Variants in RAB6B observed in about 807,000 individuals in gnomAD.
RAB6B encodes RAB6B, member RAS oncogene family.
Under a neutral mutation model 31.2 loss-of-function variants are expected in RAB6B, and 7 were observed. The ratio of observed to expected loss-of-function variants is 0.22; its 90% CI spans 0.13 to 0.42. The LOEUF (loss-of-function observed/expected upper bound fraction) is 0.42, where lower values mean the gene tolerates loss of function less well. Among genes scored for constraint, RAB6B ranks in the 10% least tolerant of loss-of-function variants. The pLI, the probability that RAB6B is intolerant of heterozygous loss-of-function variation, is 1.00. For synonymous variants in RAB6B, 105 were observed against 104.9 expected (o/e 1.00, Z -0.01); for missense variants, 149 against 280.6 (o/e 0.53, Z 3.35).
intron 2 of RAB6B, among the ~76,000 whole-genome samples, chr3:133,852,054 G>A (rs1935992280): frequency 6.6e-6 from 1 of 152,230 alleles, no homozygotes; most frequent in African/African-American, 2.4e-5. Context: ...TCGTCACAGG[G>A]AATGAGCGTG....
chr3:133,861,565 C>T (rs1482113554), intron 2 of RAB6B, among the ~76,000 whole-genome samples: 1 of 152,226 alleles, frequency 6.6e-6, no homozygotes. Flanking sequence ...AAAGAACTCA[C>T]CAGCTGTCAC....
At chr3:133,839,379 G>A (rs1045221186) in intron 5 of RAB6B, 127 bp downstream of exon 5, 30 of 787,432 alleles carry the variant, frequency 3.8e-5, no homozygotes, top group Admixed American at 1.0e-4. Flanking sequence ...AGTGTCTCAA[G>A]GGACCTTTTC....
At chr3:133,864,203 A>G in intron 2 of RAB6B, among the ~76,000 whole-genome samples, 1 of 151,518 alleles carries the variant, frequency 6.6e-6, no homozygotes, top group South Asian at 2.1e-4. Flanking sequence ...GGTCCCAGCA[A>G]ACATAACCAT....
At chr3:133,842,197 G>A (rs1935846446) in intron 2 of RAB6B, among the ~76,000 whole-genome samples, 1 of 152,240 alleles carries the variant, frequency 6.6e-6, no homozygotes, top group African/African-American at 2.4e-5. Context: ...AGACCACCCA[G>A]AGTGGCCTCT....
intron 1 of RAB6B, among the ~76,000 whole-genome samples, chr3:133,887,373 G>T (rs1559914831): frequency 6.6e-6 from 1 of 152,176 alleles, no homozygotes; most frequent in Admixed American, 6.5e-5. Flanking sequence ...AGGTGTAGGG[G>T]GCCAGGAATG....
At chr3:133,877,724 T>C (rs1936415515) in intron 1 of RAB6B, among the ~76,000 whole-genome samples, 1 of 149,468 alleles carries the variant, frequency 6.7e-6, no homozygotes, top group Non-Finnish European at 1.5e-5. Flanking sequence ...ATAAAGATAT[T>C]AAGAAATAGT....
intron 1 of RAB6B, among the ~76,000 whole-genome samples, chr3:133,893,298 G>C (rs1440829335): frequency 1.3e-5 from 2 of 152,204 alleles, no homozygotes; most frequent in Non-Finnish European, 2.9e-5. Flanking sequence ...AATGAGAGGT[G>C]GGGCTCCAGC....
intron 1 of RAB6B, among the ~76,000 whole-genome samples, chr3:133,886,173 G>C (rs1323778795): frequency 6.6e-6 from 1 of 152,200 alleles, no homozygotes; most frequent in Non-Finnish European, 1.5e-5. Context: ...GCCTGGGCAT[G>C]GTCAGGCCCT....
chr3:133,859,475 CG>C (rs969548060), intron 2 of RAB6B, among the ~76,000 whole-genome samples: 1 of 152,072 alleles, frequency 6.6e-6, no homozygotes, highest in African/African-American at 2.4e-5. Context: ...AGTGTGTCCA[CG>C]GGGAACCTTC....
chr3:133,840,097 T>C (rs530824576), intron 4 of RAB6B, among the ~76,000 whole-genome samples: 1 of 151,850 alleles, frequency 6.6e-6, no homozygotes, highest in Non-Finnish European at 1.5e-5. Flanking sequence ...TACTGAGTGG[T>C]GTCCCCACCA....
intron 2 of RAB6B, among the ~76,000 whole-genome samples, chr3:133,848,579 G>A (rs1298528883): frequency 6.6e-6 from 1 of 152,108 alleles, no homozygotes; most frequent in African/African-American, 2.4e-5. Flanking sequence ...CTGGTGTCTG[G>A]GGAGGGCCTT....
At chr3:133,833,087 G>A (rs566391623) in intron 7 of RAB6B, among the ~76,000 whole-genome samples, 3 of 152,264 alleles carry the variant, frequency 2.0e-5, no homozygotes, top group African/African-American at 2.4e-5. Flanking sequence ...CAGGCACAGC[G>A]GAGATCGCCT....
Position 133,889,388 on chromosome 3 carries a change from T to TTTTATATA in RAB6B, c.70+6008_70+6009insTATATAAA, listed in dbSNP as rs1277081488. ...ACAAAAGGACAATAAGGTTATTTTG[T>TTTTATATA]TATATATATATATATATATATATAT... On this transcript the variant is annotated intron_variant, in intron 1 of 7. Coordinates refer to ENST00000285208, the MANE Select transcript of RAB6B (RefSeq NM_016577.4). Among the ~76,000 whole-genome samples the TTTTATATA allele has an allele frequency of 5.4e-4, 43 of 80,274 alleles. 5 individuals carry two copies. The highest frequency in any genetic ancestry group is 2.7e-3 in the East Asian group (6 of 2,248). 52.7% of individuals were successfully genotyped at this position (80,274 alleles called of 152,430 possible). A position where few individuals can be genotyped will look rare whatever the true frequency, so the allele number is the denominator to read the frequency against.
In RAB6B at chr3:133,851,967, A is replaced by G. The variant is rs78351764; in HGVS notation, c.130-10304T>C. Among the ~76,000 whole-genome samples the G allele has an allele frequency of 1.6e-4, 24 of 152,222 alleles. No homozygotes were observed. In the East Asian group the frequency reaches 4.1e-3, roughly 26 times the overall value. ...ACCACACCACTAGAACTAATGAGAA[A>G]CGACCACACTTGGGTGTCATTCATG... On this transcript the variant is annotated intron_variant, in intron 2 of 7. Coordinates refer to ENST00000285208, the MANE Select transcript of RAB6B (RefSeq NM_016577.4).
At chr3:133,829,975 C>CT (rs977531914) in intron 7 of RAB6B, among the ~76,000 whole-genome samples, 1 of 152,086 alleles carries the variant, frequency 6.6e-6, no homozygotes, top group African/African-American at 2.4e-5. Flanking sequence ...GTATATGTAT[C>CT]TTATACCATG....
chr3:133,883,982 C>T (rs1936504167), intron 1 of RAB6B, among the ~76,000 whole-genome samples: 2 of 152,186 alleles, frequency 1.3e-5, no homozygotes, highest in South Asian at 4.1e-4. Context: ...CAGTTTTTCT[C>T]TGGGCCAGCT....
At chr3:133,840,907 T>C (rs983405041) in intron 4 of RAB6B, among the ~76,000 whole-genome samples, 1 of 152,188 alleles carries the variant, frequency 6.6e-6, no homozygotes, top group Non-Finnish European at 1.5e-5. Flanking sequence ...TCTTCTCCCA[T>C]GGTGACACAC....
At chr3:133,881,007 G>T (rs768564021) in intron 1 of RAB6B, among the ~76,000 whole-genome samples, 3 of 152,230 alleles carry the variant, frequency 2.0e-5, no homozygotes, top group Non-Finnish European at 2.9e-5. Flanking sequence ...AAGCAGGCCA[G>T]GAGGCCCACT....
At chr3:133,892,501 G>C (rs1231313062) in intron 1 of RAB6B, among the ~76,000 whole-genome samples, 2 of 152,148 alleles carry the variant, frequency 1.3e-5, no homozygotes, top group African/African-American at 2.4e-5. Flanking sequence ...ATCTGGCCCA[G>C]GGTGTGCTCC....
Sources: allele counts gnomAD v4.1 joint callset (sites outside exome capture counted in the v4.1 genomes callset), GRCh38; gene constraint gnomAD v4.1.1; transcripts MANE v1.5; gene names NCBI Gene and HGNC (gene_info 2026-07-23, HGNC 2026-07-21).